NCKAP5: variants seen among roughly 807,000 people sequenced by gnomAD.
The protein encoded by NCKAP5 is NCK associated protein 5, also known as nck-associated protein 5.
NCKAP5 carries 92 observed loss-of-function variants against 167.0 expected under a neutral mutation model. The observed-to-expected ratio is 0.55, with a 90% CI of 0.47 to 0.66. The LOEUF is 0.66. Ranked by LOEUF, NCKAP5 falls within the 30% of genes least tolerant of loss-of-function variation. The pLI, the probability that NCKAP5 is intolerant of heterozygous loss-of-function variation, is 0.00. For synonymous variants in NCKAP5, 891 were observed against 877.4 expected (o/e 1.02, Z -0.27); for missense variants, 2,378 against 2,315.0 (o/e 1.03, Z -0.56).
chr2:133,448,787 A>G (rs375053100), intron 3 of NCKAP5, among the ~76,000 whole-genome samples: 2 of 152,096 alleles, frequency 1.3e-5, no homozygotes, highest in Non-Finnish European at 2.9e-5. Context: ...CTACAGGTGC[A>G]TGCCATCACA....
chr2:133,637,475 C>CAAAAAAAAAAAAAAA, the NCKAP5 span, among the ~76,000 whole-genome samples: 2 of 21,840 alleles, frequency 9.2e-5, no homozygotes, highest in African/African-American at 6.0e-4. Flanking sequence ...TTGGTATTTT[C>CAAAAAAAAAAAAAAA]CAAAAAAAAA....
intron 5 of NCKAP5, among the ~76,000 whole-genome samples, chr2:133,185,235 A>G (rs1214257051): frequency 6.6e-6 from 1 of 151,856 alleles, no homozygotes; most frequent in Non-Finnish European, 1.5e-5. Context: ...CCTATTGCTT[A>G]TTTTTTGTCA....
At chr2:132,770,055 CT>C (rs1405817143) in intron 16 of NCKAP5, among the ~76,000 whole-genome samples, 1 of 152,182 alleles carries the variant, frequency 6.6e-6, no homozygotes, top group Non-Finnish European at 1.5e-5. Context: ...CTTTTTGCCC[CT>C]GGCAATGATT....
At chr2:133,342,216 T>C (rs1449059330) in intron 3 of NCKAP5, among the ~76,000 whole-genome samples, 1 of 152,042 alleles carries the variant, frequency 6.6e-6, no homozygotes, top group Non-Finnish European at 1.5e-5. Flanking sequence ...GATCTAAACA[T>C]TCTTTAGGGC....
At chr2:132,734,480 C>G (rs1028939156) in intron 16 of NCKAP5, among the ~76,000 whole-genome samples, 1 of 152,126 alleles carries the variant, frequency 6.6e-6, no homozygotes, top group Non-Finnish European at 1.5e-5. Context: ...GTGTCAGACC[C>G]TATGTACCCC....
At chr2:132,841,067 T>C (rs1039236118) in intron 11 of NCKAP5, among the ~76,000 whole-genome samples, 1 of 152,170 alleles carries the variant, frequency 6.6e-6, no homozygotes, top group African/African-American at 2.4e-5. Flanking sequence ...CTGTACTTGG[T>C]TCTCTTGATA....
intron 4 of NCKAP5, among the ~76,000 whole-genome samples, chr2:133,278,783 A>C (rs1424361408): frequency 1.5e-5 from 1 of 64,966 alleles, no homozygotes; most frequent in East Asian, 4.8e-4. Context: ...CCTAAACTAC[A>C]AAAAAAAAAA....
the NCKAP5 span, among the ~76,000 whole-genome samples, chr2:133,619,361 A>T: frequency 6.6e-6 from 1 of 151,900 alleles, no homozygotes; most frequent in African/African-American, 2.4e-5. Context: ...ATGAAAGAAA[A>T]ATACTTCAGC....
rs2105060998 is a variant in NCKAP5, at chr2:132,784,778, G to A, written c.2033C>T (p.Pro678Leu). The A allele has an allele frequency of 7.5e-6, 12 of 1,607,860 alleles. No individual in the cohort carries two copies. Among genetic ancestry groups the A allele is most frequent in the Non-Finnish European group, 1.0e-5 (12 of 1,176,218 alleles). ...TVIFDAEDGE[P>L]IEFSSHQTGV... The stretch of plus-strand genomic sequence containing the variant: ...AGTCTGGTGAGAGCTGAATTCAATG[G>A]GCTCACCGTCTTCCGCATCAAATAT... The change falls in exon 14 of 20, where the codon CCC (proline) becomes CTC (leucine). Residue 678 changes from proline to leucine, a missense_variant. Pro to Leu is a moderately conservative substitution (Grantham distance 98). Around this residue, in one of 3 missense-constraint regions of NCKAP5, gnomAD observed 1,049 missense variants for 1,023.4 expected, o/e 1.02. Transcript: ENST00000409261.
intron 5 of NCKAP5, among the ~76,000 whole-genome samples, chr2:133,164,397 G>T (rs2083919921): frequency 6.6e-6 from 1 of 152,180 alleles, no homozygotes; most frequent in African/African-American, 2.4e-5. Flanking sequence ...ACTCTTTCTA[G>T]CTGTGGGTCT....
rs551695282 is a variant in NCKAP5, at chr2:132,881,473, C to G, written c.580-2557G>C. Among the ~76,000 whole-genome samples, 5 of 152,176 alleles carry G rather than the reference C, an allele frequency of 3.3e-5. No homozygotes were observed. The South Asian group carries it at 6.2e-4, about 19-fold the overall frequency. On this transcript the variant is annotated intron_variant, in intron 8 of 19. Transcript: ENST00000409261. ...TACAGACATGAGCCATTGCACCCGG[C>G]CTGGAATAGTTTGTCTTTTTATGTT...
chr2:132,840,764 C>T (rs72847255), intron 11 of NCKAP5, among the ~76,000 whole-genome samples: 25,793 of 151,976 alleles, frequency 0.17, 2,626 homozygotes, highest in East Asian at 0.29. Flanking sequence ...TGTTTGTGTG[C>T]GTATGTTTTG....
At chr2:133,200,881 C>G (rs766434872) in intron 5 of NCKAP5, among the ~76,000 whole-genome samples, 8 of 152,076 alleles carry the variant, frequency 5.3e-5, no homozygotes, top group Non-Finnish European at 7.4e-5. Context: ...TTTTTAAAAA[C>G]CAAGCTATAG....
At chr2:133,322,858 C>T (rs151237030) in intron 3 of NCKAP5, among the ~76,000 whole-genome samples, 2 of 152,286 alleles carry the variant, frequency 1.3e-5, no homozygotes, top group East Asian at 3.9e-4. Context: ...GGTCCCACCC[C>T]CAAGAATTTC....
chr2:132,883,239 A>ACACAC (rs1691926000), intron 8 of NCKAP5, among the ~76,000 whole-genome samples: 1 of 122,776 alleles, frequency 8.1e-6, no homozygotes, highest in Non-Finnish European at 1.7e-5. Context: ...CACACACACG[A>ACACAC]CACCCACCAT....
At position 132,783,278 on chromosome 2, in the gene NCKAP5, G is replaced by T. The variant is rs1434464479; in HGVS notation, c.3533C>A (p.Ala1178Asp). Residue 1178 changes from alanine (A) to aspartate (D), a missense_variant, in exon 14 of 20, where the codon GCC becomes GAC. By Grantham distance (126) the Ala-to-Asp change is moderately radical. Transcript: ENST00000409261. Reference protein sequence around the residue: ...GKHEKDSLNEASKSSVAVNKS... With the variant: ...GKHEKDSLNEDSKSSVAVNKS... ...GTTCACAGCCACGGAACTTTTGGAG[G>T]CTTCATTTAAACTGTCTTTTTCATG... 9.3e-6 allele frequency: 15 copies of T among 1,613,784 alleles called. No individual in the cohort carries two copies. The East Asian group carries it at 3.3e-4, about 36-fold the overall frequency.
chr2:133,089,737 T>A (rs986685856), intron 6 of NCKAP5, among the ~76,000 whole-genome samples: 1 of 152,204 alleles, frequency 6.6e-6, no homozygotes, highest in Non-Finnish European at 1.5e-5. Context: ...GCAATTTTTG[T>A]TTGGGAATCT....
the NCKAP5 span, among the ~76,000 whole-genome samples, chr2:133,608,626 A>T: frequency 6.6e-6 from 1 of 152,214 alleles, no homozygotes; most frequent in Non-Finnish European, 1.5e-5. Context: ...AAATAGAGAT[A>T]ACAATCCAAA....
intron 3 of NCKAP5, chr2:133,381,420 A>C (rs377393112): frequency 2.0e-5 from 3 of 152,250 alleles, no homozygotes; most frequent in Non-Finnish European, 4.4e-5. Flanking sequence ...AACATGAGTG[A>C]TTTAAGTCCT....
Sources: allele counts gnomAD v4.1 joint callset (sites outside exome capture counted in the v4.1 genomes callset), GRCh38; gene constraint gnomAD v4.1.1; regional missense constraint gnomAD v4.1.1; transcripts MANE v1.5; gene names NCBI Gene and HGNC (gene_info 2026-07-23, HGNC 2026-07-21).